FRMD3: variants seen among roughly 807,000 people sequenced by gnomAD.
The protein encoded by FRMD3 is FERM domain-containing protein 3.
A neutral mutation model predicts 70.2 loss-of-function variants in FRMD3; 33 were observed. That is an observed-to-expected ratio of 0.47 (90% CI 0.36 to 0.63). The LOEUF (loss-of-function observed/expected upper bound fraction) is 0.63, where lower values mean the gene tolerates loss of function less well. FRMD3 is among the 20% of genes least tolerant of loss of function. The pLI is 0.00. For synonymous variants in FRMD3, 279 were observed against 255.9 expected (o/e 1.09, Z -0.86); for missense variants, 632 against 711.4 (o/e 0.89, Z 1.27).
intron 13 of FRMD3, among the ~76,000 whole-genome samples, chr9:83,257,498 G>A (rs1482890898): frequency 9.9e-5 from 15 of 152,146 alleles, no homozygotes; most frequent in African/African-American, 1.7e-4. Flanking sequence ...TCCTGCACAC[G>A]TACCCTTGAA....
intron 1 of FRMD3, among the ~76,000 whole-genome samples, chr9:83,407,352 C>T (rs1564062240): frequency 6.6e-6 from 1 of 152,084 alleles, no homozygotes; most frequent in African/African-American, 2.4e-5. Flanking sequence ...CTAAAAATGG[C>T]CAACCCCAAC....
At chr9:83,278,115 A>G (rs2118880655) in intron 13 of FRMD3, among the ~76,000 whole-genome samples, 1 of 152,318 alleles carries the variant, frequency 6.6e-6, no homozygotes, top group East Asian at 1.9e-4. Flanking sequence ...CTGAAATTTG[A>G]GCTAAAACTT....
chr9:83,307,489 A>G (rs1428578496), intron 10 of FRMD3, among the ~76,000 whole-genome samples: 1 of 152,264 alleles, frequency 6.6e-6, no homozygotes, highest in African/African-American at 2.4e-5. Context: ...ATAAACAGGA[A>G]TAAAGTACTG....
chr9:83,326,622 A>G (rs1289007456), intron 6 of FRMD3, among the ~76,000 whole-genome samples: 2 of 152,156 alleles, frequency 1.3e-5, no homozygotes, highest in African/African-American at 2.4e-5. Context: ...GGAAGATACT[A>G]AGATCAATTA....
the FRMD3 span, among the ~76,000 whole-genome samples, chr9:83,574,397 A>G: frequency 1.3e-5 from 2 of 152,230 alleles, no homozygotes; most frequent in African/African-American, 4.8e-5. Flanking sequence ...TTTTTATTAG[A>G]GATAATAAAC....
intron 13 of FRMD3, among the ~76,000 whole-genome samples, chr9:83,257,070 G>A (rs2118634859): frequency 6.6e-6 from 1 of 152,238 alleles, no homozygotes; most frequent in South Asian, 2.1e-4. Context: ...ATACATGCAT[G>A]CATATGTTCA....
Position 83,400,011 on chromosome 9 carries a change from A to G in FRMD3, c.148-10303T>C, listed in dbSNP as rs1194665413. Among the ~76,000 whole-genome samples, 4 of 152,004 alleles carry G rather than the reference A, an allele frequency of 2.6e-5. No individual in the cohort carries two copies. The East Asian group carries it at 7.7e-4, about 29-fold the overall frequency. On this transcript the variant is annotated intron_variant, in intron 1 of 13. Transcript: ENST00000304195. Reference sequence around the variant, plus strand: ...AACACAAGACAAGAAAGAAAAAAGAAGAGAAAAGAAAAGACAGGAGAGGAG... The same window carrying G: ...AACACAAGACAAGAAAGAAAAAAGAGGAGAAAAGAAAAGACAGGAGAGGAG...
At chr9:83,398,657 A>G (rs1038921022) in intron 1 of FRMD3, among the ~76,000 whole-genome samples, 1 of 152,184 alleles carries the variant, frequency 6.6e-6, no homozygotes, top group Admixed American at 6.5e-5. Flanking sequence ...AAAGTATAAT[A>G]ATAATAAAAT....
chr9:83,557,805 T>C, the FRMD3 span, among the ~76,000 whole-genome samples: 1 of 152,206 alleles, frequency 6.6e-6, no homozygotes, highest in African/African-American at 2.4e-5. Flanking sequence ...CACTCAGGAT[T>C]TGTTTGCAAT....
intron 6 of FRMD3, among the ~76,000 whole-genome samples, chr9:83,318,611 T>C (rs1026967862): frequency 6.6e-6 from 1 of 152,148 alleles, no homozygotes; most frequent in Non-Finnish European, 1.5e-5. Context: ...TGCCGGTATC[T>C]CTTTGATATG....
chr9:83,547,600 A>C, the FRMD3 span, among the ~76,000 whole-genome samples: 1 of 152,166 alleles, frequency 6.6e-6, no homozygotes, highest in Non-Finnish European at 1.5e-5. Context: ...AGAGACTTCA[A>C]CAATCCAATG....
chr9:83,342,249 G>A (rs1823786015), intron 5 of FRMD3, among the ~76,000 whole-genome samples: 1 of 152,122 alleles, frequency 6.6e-6, no homozygotes, highest in African/African-American at 2.4e-5. Flanking sequence ...TCAGGCCCTG[G>A]AGGCCTCCTT....
chr9:83,315,620 C>T (rs1211186349), intron 6 of FRMD3, among the ~76,000 whole-genome samples: 2 of 152,172 alleles, frequency 1.3e-5, no homozygotes, highest in Non-Finnish European at 2.9e-5. Flanking sequence ...CTTTGCCTTC[C>T]ACCACGTTTG....
At chr9:83,412,281 G>T (rs558047075) in intron 1 of FRMD3, among the ~76,000 whole-genome samples, 42 of 152,146 alleles carry the variant, frequency 2.8e-4, no homozygotes, top group Non-Finnish European at 5.6e-4. Flanking sequence ...CAGTCCATTT[G>T]TCCATTCTAC....
chr9:83,454,321 G>A (rs1160618599), intron 1 of FRMD3, among the ~76,000 whole-genome samples: 1 of 152,192 alleles, frequency 6.6e-6, no homozygotes, highest in Non-Finnish European at 1.5e-5. Flanking sequence ...CCAGTGGGCA[G>A]CAGTAAATGC....
Position 83,297,508 on chromosome 9 carries a change from C to G in FRMD3, c.1070+1240G>C, listed in dbSNP as rs187895145. 5.2e-5 allele frequency: 15 copies of G among 288,924 alleles called. 1 individual carries two copies. Among genetic ancestry groups the G allele is most frequent in the South Asian group, 2.8e-4 (8 of 28,708 alleles). 17.9% of individuals were successfully genotyped at this position (288,924 alleles called of 1,614,324 possible). ...ACAGAAGCATCAAACTAGGCAATCC[C>G]TGAGGTCATTTCCAGTTCAAAGATT... On this transcript the variant is annotated intron_variant, in intron 12 of 13. Transcript: ENST00000304195.
the FRMD3 span, among the ~76,000 whole-genome samples, chr9:83,562,896 C>T: frequency 4.0e-5 from 6 of 151,718 alleles, no homozygotes; most frequent in African/African-American, 1.2e-4. Context: ...CCAATGCCCC[C>T]CCCCCAGCAC....
At chr9:83,254,062 C>T (rs968411049) in intron 13 of FRMD3, among the ~76,000 whole-genome samples, 1 of 140,780 alleles carries the variant, frequency 7.1e-6, no homozygotes, top group African/African-American at 2.7e-5. Context: ...GGGAATTGAA[C>T]AATGAGAACA....
chr9:83,344,922 T>C (rs998028115), intron 4 of FRMD3, among the ~76,000 whole-genome samples: 11 of 151,190 alleles, frequency 7.3e-5, no homozygotes, highest in African/African-American at 2.7e-4. Context: ...CCCAAGTAAT[T>C]TAATCTTTAC....
Sources: gnomAD v4.1 joint callset for allele counts (sites outside exome capture counted in the v4.1 genomes callset) on GRCh38, gnomAD v4.1.1 for gene constraint, MANE v1.5 for transcripts, NCBI Gene and HGNC (gene_info 2026-07-23, HGNC 2026-07-21) for gene names.